The following PSMD14 variants were observed in gnomAD, a reference collection of about 807,000 sequenced individuals.
The protein encoded by PSMD14 is proteasome 26S subunit, non-ATPase 14, also known as ubiquitin C-terminal hydrolase PSMD14.
A neutral mutation model predicts 41.2 loss-of-function variants in PSMD14; 7 were observed. The ratio of observed to expected loss-of-function variants is 0.17; its 90% CI spans 0.10 to 0.32. The LOEUF (loss-of-function observed/expected upper bound fraction) is 0.32, where lower values mean the gene tolerates loss of function less well. Ranked by LOEUF, PSMD14 falls within the 10% of genes least tolerant of loss-of-function variation. The pLI, the probability that PSMD14 is intolerant of heterozygous loss-of-function variation, is 1.00. For synonymous variants in PSMD14, 114 were observed against 122.3 expected (o/e 0.93, Z 0.45); for missense variants, 139 against 375.6 (o/e 0.37, Z 5.21).
chr2:161,368,020 C>A, intron 5 of PSMD14, 117 bp downstream of exon 5: 1 of 1,220,814 alleles, frequency 8.2e-7, no homozygotes, highest in Non-Finnish European at 1.1e-6. Flanking sequence ...AAAAATTAAT[C>A]ATAAGTTTGA....
At chr2:161,392,821 A>C (rs1044392882) in intron 9 of PSMD14, among the ~76,000 whole-genome samples, 2 of 152,164 alleles carry the variant, frequency 1.3e-5, no homozygotes, top group African/African-American at 4.8e-5. Flanking sequence ...GTCTGTGAAA[A>C]ATGGCACCAT....
At chr2:161,399,156 A>G (rs983030294) in intron 10 of PSMD14, among the ~76,000 whole-genome samples, 3 of 152,154 alleles carry the variant, frequency 2.0e-5, no homozygotes, top group Admixed American at 2.0e-4. Flanking sequence ...AAAATGAAAA[A>G]CATTTGTAAA....
intron 3 of PSMD14, among the ~76,000 whole-genome samples, chr2:161,337,738 C>T (rs1019601159): frequency 1.3e-5 from 2 of 152,164 alleles, no homozygotes; most frequent in African/African-American, 4.8e-5. Context: ...TAAACAGGTA[C>T]ATTTGCAGTA....
chr2:161,325,300 T>A (rs1462197734), intron 3 of PSMD14, among the ~76,000 whole-genome samples: 1 of 152,130 alleles, frequency 6.6e-6, no homozygotes, highest in Non-Finnish European at 1.5e-5. Flanking sequence ...AAGAATTATT[T>A]CCGGTGGCTA....
At chr2:161,353,745 T>G (rs1213626871) in intron 3 of PSMD14, among the ~76,000 whole-genome samples, 1 of 152,236 alleles carries the variant, frequency 6.6e-6, no homozygotes, top group Non-Finnish European at 1.5e-5. Context: ...TTTGTAAACA[T>G]TTTCAGGGCA....
chr2:161,404,936 A>G (rs765628170), intron 10 of PSMD14, among the ~76,000 whole-genome samples: 2 of 152,148 alleles, frequency 1.3e-5, no homozygotes, highest in African/African-American at 2.4e-5. Flanking sequence ...TAGTTTAGCA[A>G]TGCCAACAAC....
chr2:161,344,195 G>A (rs1355434329), intron 3 of PSMD14, among the ~76,000 whole-genome samples: 1 of 152,128 alleles, frequency 6.6e-6, no homozygotes, highest in Non-Finnish European at 1.5e-5. Context: ...CAGAAGTGAA[G>A]TTGACAGATC....
At chr2:161,329,072 G>T (rs1280212631) in intron 3 of PSMD14, among the ~76,000 whole-genome samples, 1 of 152,068 alleles carries the variant, frequency 6.6e-6, no homozygotes, top group African/African-American at 2.4e-5. Context: ...GGTTACCACA[G>T]TATAGATCTT....
intron 3 of PSMD14, among the ~76,000 whole-genome samples, chr2:161,343,511 T>C (rs1282841471): frequency 6.6e-6 from 1 of 152,242 alleles, no homozygotes; most frequent in East Asian, 1.9e-4. Flanking sequence ...TGAATATTGC[T>C]GCTATGAACA....
rs755594273 is a variant in PSMD14 at position 161,391,127 on chromosome 2, A to G, written c.594A>G (p.Arg198=). Reference sequence around the variant, plus strand: ...AGGCATTAATTCATGGACTAAACAGACATTATTACTCCATTACTATTAACT... The same window carrying G: ...AGGCATTAATTCATGGACTAAACAGGCATTATTACTCCATTACTATTAACT... ...SIQALIHGLN[R]HYYSITINYR... is the part of the protein sequence containing the mutation. The change falls in exon 9 of 12, where the codon AGA becomes AGG. Residue 198 remains arginine (R), a synonymous_variant. Coordinates refer to ENST00000409682, the MANE Select transcript of PSMD14 (RefSeq NM_005805.6). 3.3e-6 allele frequency: 5 copies of G among 1,533,886 alleles called. No homozygotes were observed. The East Asian group carries it at 1.2e-4, about 37-fold the overall frequency.
Position 161,319,917 on chromosome 2 carries a change from G to A in PSMD14, c.48+1044G>A, listed in dbSNP as rs142949361. On this transcript the variant is annotated intron_variant, in intron 3 of 11. Coordinates refer to ENST00000409682, the MANE Select transcript of PSMD14 (RefSeq NM_005805.6). The stretch of plus-strand genomic sequence containing the variant: ...CTTGGATGGATTTCAGTTGTTTTTC[G>A]TTTACTTTTGTTAGTTTTGATGATT... Among the ~76,000 whole-genome samples, 20 of 152,120 alleles carry A rather than the reference G, an allele frequency of 1.3e-4. No individual in the cohort carries two copies. The East Asian group carries it at 2.1e-3, about 16-fold the overall frequency.
intron 3 of PSMD14, among the ~76,000 whole-genome samples, chr2:161,321,494 CTCCCAAT>C (rs1682597603): frequency 6.6e-6 from 1 of 152,118 alleles, no homozygotes; most frequent in Non-Finnish European, 1.5e-5. Flanking sequence ...TTTTGTTTCA[CTCCCAAT>C]TGACACAAAC....
chr2:161,313,979 T>C (rs1026464379), intron 1 of PSMD14, among the ~76,000 whole-genome samples: 2 of 152,222 alleles, frequency 1.3e-5, no homozygotes, highest in African/African-American at 4.8e-5. Context: ...GTCACCACCA[T>C]CCATATCCAG....
chr2:161,311,938 C>G (rs1022111077), intron 1 of PSMD14, among the ~76,000 whole-genome samples: 1 of 151,760 alleles, frequency 6.6e-6, no homozygotes, highest in South Asian at 2.1e-4. Context: ...TTCTAAGTTG[C>G]GGAAATCTTG....
chr2:161,396,722 AACGT>A (rs1253881497), intron 10 of PSMD14, among the ~76,000 whole-genome samples: 14 of 152,300 alleles, frequency 9.2e-5, no homozygotes, highest in African/African-American at 2.9e-4. Context: ...GCATGCATAG[AACGT>A]GAGGGTGAAC....
chr2:161,342,217 G>T (rs1337291167), intron 3 of PSMD14, among the ~76,000 whole-genome samples: 2 of 152,166 alleles, frequency 1.3e-5, no homozygotes, highest in South Asian at 2.1e-4. Flanking sequence ...GTCTTGTCCT[G>T]ATCGTAGGGG....
chr2:161,385,399 C>A, intron 7 of PSMD14, 65 bp from the exon 8 acceptor site: 1 of 806,248 alleles, frequency 1.2e-6, no homozygotes, highest in Non-Finnish European at 2.1e-6. Context: ...ATGCCTTGTC[C>A]ACTGTTGCTT....
At chr2:161,323,176 C>G (rs1367025636) in intron 3 of PSMD14, among the ~76,000 whole-genome samples, 1 of 152,176 alleles carries the variant, frequency 6.6e-6, no homozygotes, top group Non-Finnish European at 1.5e-5. Context: ...TATTACTGTA[C>G]TGGAATTTTT....
intron 3 of PSMD14, chr2:161,341,431 A>C: frequency 2.4e-6 from 1 of 422,270 alleles, no homozygotes; most frequent in Non-Finnish European, 3.2e-6. Context: ...TTCTGAATAG[A>C]AGTTCTTTAT....
Sources: allele counts gnomAD v4.1 joint callset (sites outside exome capture counted in the v4.1 genomes callset), GRCh38; gene constraint gnomAD v4.1.1; transcripts MANE v1.5; gene names NCBI Gene and HGNC (gene_info 2026-07-23, HGNC 2026-07-21).